Variants in PLEKHG6 observed in about 807,000 individuals in gnomAD.
PLEKHG6 encodes the protein pleckstrin homology domain-containing family G member 6.
A neutral mutation model predicts 97.5 loss-of-function variants in PLEKHG6; 91 were observed. The ratio of observed to expected loss-of-function variants is 0.93; its 90% confidence interval spans 0.79 to 1.11. The LOEUF (loss-of-function observed/expected upper bound fraction) is 1.11, where lower values mean the gene tolerates loss of function less well. Ranked by LOEUF, PLEKHG6 falls within the 50% of genes most tolerant of loss-of-function variation. The pLI is 0.00. For synonymous variants in PLEKHG6, 466 were observed against 425.5 expected (o/e 1.10, Z -1.17); for missense variants, 1,044 against 1,031.0 (o/e 1.01, Z -0.17).
chr12:6,312,303 G>A lies in PLEKHG6; in HGVS notation c.77G>A (p.Arg26Gln), dbSNP rs142180572. The A allele has an allele frequency of 8.0e-5, 125 of 1,569,344 alleles. No homozygotes were observed. Among genetic ancestry groups the A allele is most frequent in the South Asian group, 1.1e-4 (9 of 84,142 alleles). Reference protein sequence around the residue: ...VASRIETYGGRHRASAQSTAG... With the variant: ...VASRIETYGGQHRASAQSTAG... ...TCCCGCATTGAGACTTATGGGGGCCGGCATCGAGCCTCTGCTCAGAGCACT... is the reference window on the plus strand; with the variant it reads ...TCCCGCATTGAGACTTATGGGGGCCAGCATCGAGCCTCTGCTCAGAGCACT... Residue 26 changes from arginine (R) to glutamine (Q), a missense_variant, in exon 2 of 16, where the codon CGG becomes CAG. By Grantham distance (43) the Arg-to-Gln change is conservative. Coordinates refer to ENST00000684764, the MANE Select transcript of PLEKHG6 (RefSeq NM_001384598.1).
At position 6,319,003 on chromosome 12, in the gene PLEKHG6, G is replaced by T. The variant is rs1348454294; in HGVS notation, c.1419G>T (p.Leu473=). ...CQPLRDPNSF[L]LIHLTEFQCV... ...GTCTCCTCCATCCAGACAGCTTCCTGCTGATCCACCTCACTGAATTCCAGT... is the reference window on the plus strand; with the variant it reads ...GTCTCCTCCATCCAGACAGCTTCCTTCTGATCCACCTCACTGAATTCCAGT... Residue 473 remains leucine (L), a synonymous_variant, in exon 13 of 16, where the codon CTG becomes CTT. Transcript: ENST00000684764. 1.2e-6 allele frequency: 2 copies of T among 1,613,962 alleles called. No individual in the cohort carries two copies. The highest frequency in any genetic ancestry group is 2.2e-5 in the South Asian group (2 of 91,038).
At position 6,327,898 on chromosome 12, in the gene PLEKHG6, G is replaced by A. The variant is rs1207260096; in HGVS notation, c.2315G>A (p.Arg772Lys). 6.7e-7 allele frequency: 1 copy of A among 1,486,300 alleles called. No homozygotes were observed. Among genetic ancestry groups the A allele is most frequent in the Admixed American group, 2.5e-5 (1 of 39,786 alleles). 92.1% of individuals were successfully genotyped at this position (1,486,300 alleles called of 1,614,324 possible). The change falls in exon 15 of 16, where the codon AGG becomes AAG. Residue 772 changes from arginine (R) to lysine (K), a missense_variant. Arg to Lys is a conservative substitution (Grantham distance 26, BLOSUM62 2). Coordinates refer to ENST00000684764, the MANE Select transcript of PLEKHG6 (RefSeq NM_001384598.1). ...PRKLTRAQLQ[R>K]MRGPHIIQLD... The stretch of plus-strand genomic sequence containing the variant: ...AAGCTGACTCGGGCCCAGCTGCAGA[G>A]GATGCGGGGGCCCCACATCATTCAG...
rs758249038 is a variant in PLEKHG6 at position 6,317,931 on chromosome 12, G to C, written c.1092G>C (p.Ala364=). 6 of 1,572,826 alleles carry C rather than the reference G, an allele frequency of 3.8e-6. No individual in the cohort carries two copies. The highest frequency in any genetic ancestry group is 2.7e-5 in the African/African-American group (2 of 74,364). The change falls in exon 10 of 16, where the codon GCG becomes GCC. Residue 364 remains alanine, a synonymous_variant. Coordinates refer to ENST00000684764, the MANE Select transcript of PLEKHG6 (RefSeq NM_001384598.1). ...AGGGCGAAGAGCAAGAGAGCTTGGCGGCTGCAGCACAACGCATCGGGCCCT... is the reference window on the plus strand; with the variant it reads ...AGGGCGAAGAGCAAGAGAGCTTGGCCGCTGCAGCACAACGCATCGGGCCCT... ...VRQGEEQESL[A]AAAQRIGPYE... is the part of the protein sequence containing the mutation.
intron 14 of PLEKHG6, among the ~76,000 whole-genome samples, chr12:6,326,912 T>C (rs529298418): frequency 1.3e-5 from 2 of 152,218 alleles, no homozygotes; most frequent in South Asian, 4.2e-4. Flanking sequence ...GAGGTTCGTC[T>C]AGGATAGCAC....
intron 13 of PLEKHG6, among the ~76,000 whole-genome samples, chr12:6,326,164 G>A (rs1592036915): frequency 6.6e-6 from 1 of 152,176 alleles, no homozygotes; most frequent in East Asian, 1.9e-4. Flanking sequence ...AATTAGCCGG[G>A]CACGTTGGCG....
chr12:6,311,269 C>A (rs1947254576), intron 1 of PLEKHG6, among the ~76,000 whole-genome samples: 1 of 152,188 alleles, frequency 6.6e-6, no homozygotes, highest in South Asian at 2.1e-4. Context: ...ACGCCTGGCC[C>A]CCAGCTCCAT....
At position 6,327,567 on chromosome 12, in the gene PLEKHG6, G is replaced by A; in HGVS notation, c.1984G>A (p.Glu662Lys). 6.3e-7 allele frequency: 1 copy of A among 1,578,636 alleles called. No homozygotes were observed. Among genetic ancestry groups the A allele is most frequent in the Non-Finnish European group, 8.6e-7 (1 of 1,160,272 alleles). ...CCTAAAAGGAGGCAGTCTTCCCCAG[G>A]AAGACCCACCAACCTGGTCTGAGGA... ...GILKGGSLPQ[E>K]DPPTWSEEED... The change falls in exon 15 of 16, where the codon GAA becomes AAA. Residue 662 changes from glutamate (E) to lysine (K), a missense_variant. Coordinates refer to ENST00000684764, the MANE Select transcript of PLEKHG6 (RefSeq NM_001384598.1).
chr12:6,313,184 CAT>C, intron 2 of PLEKHG6: 1 of 1,550,018 alleles, frequency 6.5e-7, no homozygotes, highest in Non-Finnish European at 8.7e-7. Context: ...GAAGGCTGCA[CAT>C]GTGAGTGCCC....
In PLEKHG6 at chr12:6,317,322, C is replaced by T. The variant is rs779138508; in HGVS notation, c.776C>T (p.Pro259Leu). 1 of 1,613,706 alleles carries T rather than the reference C, an allele frequency of 6.2e-7. No homozygotes were observed. The highest frequency in any genetic ancestry group is 8.5e-7 in the Non-Finnish European group (1 of 1,179,674). The change falls in exon 8 of 16, where the codon CCC becomes CTC. Residue 259 changes from proline (P) to leucine (L), a missense_variant. Coordinates refer to ENST00000684764, the MANE Select transcript of PLEKHG6 (RefSeq NM_001384598.1). ...GFLTFGQRFH[P>L]YVQYCLRVKQ... Reference sequence around the variant, plus strand: ...CTCCAGTTTGGCCAGCGGTTCCACCCCTATGTCCAGTACTGCCTCCGAGTG... The same window carrying T: ...CTCCAGTTTGGCCAGCGGTTCCACCTCTATGTCCAGTACTGCCTCCGAGTG...
chr12:6,325,464 G>A (rs893288353), intron 13 of PLEKHG6, among the ~76,000 whole-genome samples: 1 of 152,170 alleles, frequency 6.6e-6, no homozygotes, highest in African/African-American at 2.4e-5. Context: ...CTCAGGTGGC[G>A]CTATTTCCTT....
chr12:6,322,598 G>A (rs557146774), intron 13 of PLEKHG6, among the ~76,000 whole-genome samples: 1 of 152,310 alleles, frequency 6.6e-6, no homozygotes, highest in East Asian at 1.9e-4. Context: ...AATTTTCTTG[G>A]CCAGGCGTAG....
chr12:6,319,489 A>G, intron 13 of PLEKHG6: 1 of 1,441,698 alleles, frequency 6.9e-7, no homozygotes, highest in Non-Finnish European at 9.1e-7. Context: ...GGAAGGAACG[A>G]ATGAACATGG....
In PLEKHG6 at chr12:6,328,150, T is replaced by G; in HGVS notation, c.*5T>G. 1.2e-6 allele frequency: 2 copies of G among 1,613,970 alleles called. No homozygotes were observed. Among genetic ancestry groups the G allele is most frequent in the Non-Finnish European group, 1.7e-6 (2 of 1,179,854 alleles). On this transcript the variant is annotated 3_prime_UTR_variant, in exon 16 of 16. Coordinates refer to ENST00000684764, the MANE Select transcript of PLEKHG6 (RefSeq NM_001384598.1). ...TGTCTTTTCAGAGAGGTATGAGGAA[T>G]GCAGAGGACCTTTGGCATGCATCTC...
At position 6,328,116 on chromosome 12, in the gene PLEKHG6, AC is replaced by A; in HGVS notation, c.2364-15del. On this transcript the variant is annotated intron_variant, in intron 15 of 15. Coordinates refer to ENST00000684764, the MANE Select transcript of PLEKHG6 (RefSeq NM_001384598.1). ...CCGTTGCCACTGAATGTCGCCTAAC[AC>A]CCCCTCCTGTCTTTTCAGAGAGGTA... The A allele has an allele frequency of 1.2e-6, 2 of 1,613,446 alleles. No homozygotes were observed. The highest frequency in any genetic ancestry group is 1.1e-5 in the South Asian group (1 of 91,030).
chr12:6,321,643 G>A (rs1274773754), intron 13 of PLEKHG6, among the ~76,000 whole-genome samples: 1 of 151,640 alleles, frequency 6.6e-6, no homozygotes, highest in African/African-American at 2.4e-5. Context: ...TTGAGACCAC[G>A]GTGAAACCCC....
At chr12:6,319,156 C>G (rs570651796) in intron 13 of PLEKHG6, 48 bp downstream of exon 13, 1 of 1,284,770 alleles carries the variant, frequency 7.8e-7, no homozygotes, top group African/African-American at 1.5e-5. Flanking sequence ...GTCCCCGGAG[C>G]TCAGAAATGG....
chr12:6,314,429 C>T (rs1298405389), intron 3 of PLEKHG6, among the ~76,000 whole-genome samples: 1 of 152,104 alleles, frequency 6.6e-6, no homozygotes, highest in Non-Finnish European at 1.5e-5. Context: ...ATCGCTTGAA[C>T]CCGGTAGGTG....
rs1355807906 is a variant in PLEKHG6 at position 6,316,434 on chromosome 12, G to A, written c.756+30G>A. On this transcript the variant is annotated intron_variant, in intron 7 of 15. Coordinates refer to ENST00000684764, the MANE Select transcript of PLEKHG6 (RefSeq NM_001384598.1). The surrounding 1 kb of genome is among the most constrained non-coding windows in gnomAD (Gnocchi z 4.1). The stretch of plus-strand genomic sequence containing the variant: ...GGCCTGTGAAGGGCTGTGTCTGGAT[G>A]GGGCAGGACTCGGAGCCCTCGGGGG... The A allele has an allele frequency of 6.5e-7, 1 of 1,545,670 alleles. No individual in the cohort carries two copies. Among genetic ancestry groups the A allele is most frequent in the Non-Finnish European group, 8.8e-7 (1 of 1,142,820 alleles).
intron 13 of PLEKHG6, chr12:6,319,353 C>T: frequency 1.6e-6 from 1 of 638,796 alleles, no homozygotes; most frequent in Non-Finnish European, 2.7e-6. Context: ...GAGGCTGAGG[C>T]AGGAGAATCA....
Sources: gnomAD v4.1 joint callset for allele counts (sites outside exome capture counted in the v4.1 genomes callset) on GRCh38, gnomAD v4.1.1 for gene constraint, Gnocchi (gnomAD v3.1) non-coding constraint, MANE v1.5 for transcripts, NCBI Gene and HGNC (gene_info 2026-07-23, HGNC 2026-07-21) for gene names.